Variants in FBXL17 observed in about 807,000 individuals in gnomAD.
FBXL17 encodes the protein F-box/LRR-repeat protein 17.
Under a neutral mutation model 66.2 loss-of-function variants are expected in FBXL17, and 22 were observed. The observed-to-expected ratio is 0.33, with a 90% CI of 0.24 to 0.47. FBXL17 has a LOEUF of 0.47. FBXL17 is among the 20% of genes least tolerant of loss of function. FBXL17 has a pLI of 1.00. For synonymous variants in FBXL17, 474 were observed against 400.5 expected, an observed-to-expected ratio of 1.18 and a Z score of -2.19; for missense variants, 878 against 948.2, an observed-to-expected ratio of 0.93 and a Z score of 0.97.
intron 4 of FBXL17, among the ~76,000 whole-genome samples, chr5:108,321,745 C>CA (rs1759629561): frequency 6.6e-6 from 1 of 150,520 alleles, no homozygotes; most frequent in African/African-American, 2.4e-5. Flanking sequence ...TTCTGCATGT[C>CA]AAAAATGCTA....
intron 6 of FBXL17, among the ~76,000 whole-genome samples, chr5:108,053,733 C>A (rs1005643393): frequency 1.3e-5 from 2 of 152,130 alleles, no homozygotes; most frequent in South Asian, 4.1e-4. Context: ...ACCAGAAATA[C>A]CATTTGACCC....
intron 6 of FBXL17, among the ~76,000 whole-genome samples, chr5:108,167,067 T>G (rs1031105366): frequency 2.6e-5 from 4 of 151,648 alleles, no homozygotes; most frequent in Non-Finnish European, 4.4e-5. Context: ...GATCATTGTG[T>G]TTTTTTTAAA....
rs1319781285 is a variant in FBXL17 at position 108,380,851 on chromosome 5, C to G, written c.841G>C (p.Ala281Pro). 1.4e-5 allele frequency: 18 copies of G among 1,246,320 alleles called. No homozygotes were observed. In the East Asian group the frequency reaches 5.7e-4, roughly 39 times the overall value. 77.2% of individuals were successfully genotyped at this position (1,246,320 alleles called of 1,614,324 possible). Residue 281 changes from alanine (A) to proline (P), a missense_variant, in exon 1 of 9, where the codon GCC becomes CCC. By Grantham distance (27) the Ala-to-Pro change is conservative. Coordinates refer to ENST00000542267, the MANE Select transcript of FBXL17 (RefSeq NM_001163315.3). ...PTEAGGDAVRAGGTAPLSAQQ... is the reference protein window; with the variant it reads ...PTEAGGDAVRPGGTAPLSAQQ... ...GCGGACAAGGGGGCGGTGCCCCCGG[C>G]TCGGACAGCGTCCCCGCCAGCTTCG...
intron 7 of FBXL17, among the ~76,000 whole-genome samples, chr5:107,912,193 T>C (rs1051926505): frequency 6.6e-6 from 1 of 152,088 alleles, no homozygotes; most frequent in Non-Finnish European, 1.5e-5. Context: ...GTGCTTACCT[T>C]GTGCCAAGCA....
In FBXL17 at chr5:108,183,034, A is replaced by ATT. The variant is rs34101023; in HGVS notation, c.1745+3081_1745+3082dup. Among the ~76,000 whole-genome samples the ATT allele has an allele frequency of 4.2e-3, 388 of 91,490 alleles. 3 individuals are homozygous for ATT. The highest frequency in any genetic ancestry group is 0.013 in the Middle Eastern group (2 of 152). 60.0% of individuals were successfully genotyped at this position (91,490 alleles called of 152,430 possible). ...CACCTTATTGCAGAAACAGTTTTCT[A>ATT]TTTTTTTTTTTTTTTTTTTTTTTGA... On this transcript the variant is annotated intron_variant, in intron 6 of 8. Transcript: ENST00000542267.
chr5:108,229,680 C>G (rs903736074), intron 4 of FBXL17, among the ~76,000 whole-genome samples: 4 of 152,064 alleles, frequency 2.6e-5, no homozygotes, highest in Non-Finnish European at 1.5e-5. Context: ...GACCAAGAAC[C>G]CAAAAGCAAA....
At chr5:108,175,275 G>A (rs1333871130) in intron 6 of FBXL17, among the ~76,000 whole-genome samples, 1 of 152,118 alleles carries the variant, frequency 6.6e-6, no homozygotes. Flanking sequence ...TGAAGATCCA[G>A]GTCCTCCTCA....
intron 6 of FBXL17, among the ~76,000 whole-genome samples, chr5:108,146,052 A>T (rs1751544827): frequency 6.6e-6 from 1 of 150,674 alleles, no homozygotes; most frequent in African/African-American, 2.5e-5. Context: ...TCCTGTCTCT[A>T]CTAAAAATCT....
At chr5:108,215,646 T>C (rs1365058907) in intron 5 of FBXL17, among the ~76,000 whole-genome samples, 5 of 152,236 alleles carry the variant, frequency 3.3e-5, no homozygotes, top group Non-Finnish European at 7.3e-5. Context: ...TATTTTTTCT[T>C]ATTCTGTCGA....
intron 4 of FBXL17, among the ~76,000 whole-genome samples, chr5:108,237,929 TTA>T (rs1416254798): frequency 6.6e-6 from 1 of 152,224 alleles, no homozygotes; most frequent in Non-Finnish European, 1.5e-5. Flanking sequence ...TAAATTATAC[TTA>T]TTAGAAGCCT....
intron 6 of FBXL17, among the ~76,000 whole-genome samples, chr5:108,147,902 A>G (rs1476869813): frequency 7.9e-5 from 12 of 152,046 alleles, no homozygotes; most frequent in Non-Finnish European, 1.5e-5. Context: ...CGTATCCTCA[A>G]TGAGCTGAAA....
chr5:108,276,554 T>C lies in FBXL17; in HGVS notation c.1507-52326A>G, dbSNP rs114882548. ...ACACTGCAATCTACCACCAGGATTT[T>C]TATCCTTCTATTTATAATGATCTCT... On this transcript the variant is annotated intron_variant, in intron 4 of 8. Coordinates refer to ENST00000542267, the MANE Select transcript of FBXL17 (RefSeq NM_001163315.3). 9.0e-3 allele frequency among the ~76,000 whole-genome samples: 1,376 copies of C among 152,192 alleles called. 22 individuals carry two copies. The highest frequency in any genetic ancestry group is 0.03 in the African/African-American group (1,250 of 41,540).
At chr5:108,337,568 G>C (rs1204312072) in intron 4 of FBXL17, among the ~76,000 whole-genome samples, 1 of 152,014 alleles carries the variant, frequency 6.6e-6, no homozygotes, top group Non-Finnish European at 1.5e-5. Context: ...ACAGGAAGCT[G>C]ACAGAATACA....
chr5:107,947,453 T>C (rs1751351491), intron 7 of FBXL17, among the ~76,000 whole-genome samples: 1 of 152,230 alleles, frequency 6.6e-6, no homozygotes, highest in African/African-American at 2.4e-5. Flanking sequence ...TACTGGCTCA[T>C]TATCTTGACT....
chr5:108,216,340 T>G (rs1198312580), intron 5 of FBXL17, among the ~76,000 whole-genome samples: 1 of 152,176 alleles, frequency 6.6e-6, no homozygotes, highest in Non-Finnish European at 1.5e-5. Context: ...CTTTTCATTA[T>G]GTAGGTCTTC....
intron 5 of FBXL17, among the ~76,000 whole-genome samples, chr5:108,190,886 C>T (rs1033074775): frequency 1.3e-5 from 2 of 152,210 alleles, no homozygotes; most frequent in East Asian, 1.9e-4. Context: ...TGGAAATATA[C>T]TGTTCTGTAA....
At chr5:108,029,940 C>T (rs1426829638) in intron 6 of FBXL17, among the ~76,000 whole-genome samples, 1 of 151,942 alleles carries the variant, frequency 6.6e-6, no homozygotes, top group Admixed American at 6.6e-5. Flanking sequence ...TTAAAAAGTC[C>T]ATTTGTCTGT....
In FBXL17 at chr5:108,106,389, C is replaced by T. The variant is rs144713686; in HGVS notation, c.1745+79728G>A. Among the ~76,000 whole-genome samples the T allele has an allele frequency of 2.4e-4, 36 of 152,254 alleles. 1 individual carries two copies. In the East Asian group the frequency reaches 5.6e-3, roughly 24 times the overall value. On this transcript the variant is annotated intron_variant, in intron 6 of 8. Transcript: ENST00000542267. ...GAATATTAAATGTAAAGTTGCCATA[C>T]GTCCCAGCCATTCTACTCCTAGGTA...
intron 7 of FBXL17, among the ~76,000 whole-genome samples, chr5:108,009,699 A>T (rs1754104331): frequency 6.6e-6 from 1 of 152,172 alleles, no homozygotes; most frequent in Admixed American, 6.6e-5. Flanking sequence ...TAACAGCTTA[A>T]TATTTAAGTT....
Sources: gnomAD v4.1 joint callset for allele counts (sites outside exome capture counted in the v4.1 genomes callset) on GRCh38, gnomAD v4.1.1 for gene constraint, MANE v1.5 for transcripts, NCBI Gene and HGNC (gene_info 2026-07-23, HGNC 2026-07-21) for gene names.